The following DCC variants were observed in gnomAD, a reference collection of about 807,000 sequenced individuals.
DCC encodes the protein netrin receptor DCC.
DCC carries 58 observed loss-of-function variants against 172.5 expected under a neutral mutation model. The observed-to-expected ratio is 0.34, with a 90% CI of 0.27 to 0.42. The LOEUF (loss-of-function observed/expected upper bound fraction) is 0.42, where lower values mean the gene tolerates loss of function less well. DCC is among the 10% of genes least tolerant of loss of function. The probability of loss-of-function intolerance (pLI) is 1.00; values close to 1 mark genes in which losing one functional copy is unlikely to be tolerated. For synonymous variants in DCC, 709 were observed against 644.5 expected (o/e 1.10, Z -1.52); for missense variants, 1,740 against 1,791.0 (o/e 0.97, Z 0.51).
chr18:53,240,364 A>C (rs1246644517), intron 12 of DCC, among the ~76,000 whole-genome samples: 1 of 152,154 alleles, frequency 6.6e-6, no homozygotes, highest in South Asian at 2.1e-4. Flanking sequence ...CTTATCAAGA[A>C]TTGTGGGATC....
At chr18:52,424,422 T>C (rs34531550) in intron 1 of DCC, among the ~76,000 whole-genome samples, 72,430 of 151,888 alleles carry the variant, frequency 0.48, 18,328 homozygotes, top group Non-Finnish European at 0.58. Flanking sequence ...ATATCCCTTC[T>C]TCCCTAAGGG....
At chr18:53,092,267 A>G (rs2043024763) in intron 7 of DCC, among the ~76,000 whole-genome samples, 4 of 152,136 alleles carry the variant, frequency 2.6e-5, no homozygotes, top group Admixed American at 2.6e-4. Context: ...TGTATTTTTA[A>G]CAAGCAACTC....
intron 8 of DCC, among the ~76,000 whole-genome samples, chr18:53,159,980 AG>A (rs780265198): frequency 1.3e-5 from 2 of 152,188 alleles, no homozygotes; most frequent in Non-Finnish European, 2.9e-5. Context: ...GTGGAAAAGA[AG>A]TTGAAATTTA....
At chr18:52,779,117 C>T (rs1315850306) in intron 2 of DCC, among the ~76,000 whole-genome samples, 2 of 152,130 alleles carry the variant, frequency 1.3e-5, no homozygotes, top group African/African-American at 4.8e-5. Context: ...TTGTTCTTTT[C>T]AAGTGTATGT....
At chr18:52,555,906 T>C (rs1398758566) in intron 1 of DCC, among the ~76,000 whole-genome samples, 1 of 152,176 alleles carries the variant, frequency 6.6e-6, no homozygotes, top group African/African-American at 2.4e-5. Flanking sequence ...ATAACTCTTC[T>C]TGATGTCTCT....
intron 5 of DCC, among the ~76,000 whole-genome samples, chr18:52,983,001 GCTGGTTTACAT>G (rs1426066253): frequency 6.6e-6 from 1 of 152,174 alleles, no homozygotes; most frequent in Non-Finnish European, 1.5e-5. Flanking sequence ...CTGGGAGAGT[GCTGGTTTACAT>G]CTGTTTTCCC....
At chr18:52,906,830 T>C (rs920511989) in intron 3 of DCC, among the ~76,000 whole-genome samples, 7 of 130,756 alleles carry the variant, frequency 5.4e-5, no homozygotes, top group Non-Finnish European at 9.7e-5. Context: ...GCTGATCTTA[T>C]CTACTTTGTT....
chr18:53,529,038 T>TCACACACACACACACA (rs140593675), intron 28 of DCC, among the ~76,000 whole-genome samples: 1 of 65,182 alleles, frequency 1.5e-5, no homozygotes, highest in Admixed American at 1.7e-4. Context: ...TCTCTCTCTC[T>TCACACACACACACACA]CACACACACA....
intron 5 of DCC, among the ~76,000 whole-genome samples, chr18:53,049,106 G>A (rs961364145): frequency 2.0e-5 from 3 of 151,784 alleles, no homozygotes; most frequent in East Asian, 1.9e-4. Context: ...TTATGCCTTT[G>A]TCAAATATTT....
chr18:53,091,482 T>A (rs985590895), intron 7 of DCC, among the ~76,000 whole-genome samples: 2 of 151,326 alleles, frequency 1.3e-5, no homozygotes, highest in African/African-American at 4.8e-5. Context: ...ACAACATAAA[T>A]TTATTTCTCA....
At chr18:52,610,151 TAAAAAAAAAAAAAAAAAAAAA>T (rs1171109968) in intron 1 of DCC, among the ~76,000 whole-genome samples, 1 of 19,058 alleles carries the variant, frequency 5.2e-5, no homozygotes, top group African/African-American at 2.3e-4. Context: ...CCATCTCTCA[TAAAAAAAAAAAAAAAAAAAAA>T]AAAAAAATAT....
At chr18:53,172,273 G>C (rs1409439899) in intron 8 of DCC, among the ~76,000 whole-genome samples, 1 of 152,040 alleles carries the variant, frequency 6.6e-6, no homozygotes, top group Non-Finnish European at 1.5e-5. Flanking sequence ...TTAACACTGA[G>C]TACTCAGGGA....
chr18:53,414,455 C>T (rs1342457190), intron 20 of DCC, among the ~76,000 whole-genome samples: 4 of 152,158 alleles, frequency 2.6e-5, no homozygotes, highest in Non-Finnish European at 5.9e-5. Flanking sequence ...TATATCCTTA[C>T]TCTCAAATTC....
intron 12 of DCC, among the ~76,000 whole-genome samples, chr18:53,279,485 T>C (rs1462944743): frequency 1.8e-5 from 2 of 112,354 alleles, no homozygotes; most frequent in Non-Finnish European, 3.4e-5. Flanking sequence ...CATCACACAC[T>C]GTGGCCTGTT....
intron 3 of DCC, among the ~76,000 whole-genome samples, chr18:52,919,449 C>T (rs910125730): frequency 6.6e-5 from 10 of 152,160 alleles, no homozygotes; most frequent in Middle Eastern, 3.4e-3. Flanking sequence ...TAAAGAAATA[C>T]CAAACTTATT....
intron 5 of DCC, chr18:52,965,161 G>A (rs557078523): frequency 6.6e-6 from 1 of 152,264 alleles, no homozygotes; most frequent in South Asian, 2.1e-4. Flanking sequence ...CAGGGATTAA[G>A]ATGAGGATAT....
At chr18:52,349,534 G>A (rs1189117462) in intron 1 of DCC, among the ~76,000 whole-genome samples, 1 of 152,176 alleles carries the variant, frequency 6.6e-6, no homozygotes, top group African/African-American at 2.4e-5. Flanking sequence ...CTGGTTTGAG[G>A]CATCTCCAGG....
intron 5 of DCC, among the ~76,000 whole-genome samples, chr18:53,034,988 C>T (rs1429920715): frequency 9.2e-5 from 14 of 152,214 alleles, no homozygotes; most frequent in Admixed American, 7.2e-4. Flanking sequence ...CACATCCTCT[C>T]TTCTCCTTTA....
rs1205411415 is a variant in DCC at position 53,086,527 on chromosome 18, CCTT to C, written c.1261+20377_1261+20379del. On this transcript the variant is annotated intron_variant, in intron 7 of 28. Transcript: ENST00000442544. The stretch of plus-strand genomic sequence containing the variant: ...TTTCTTCTTCTTCTTCTTTCTTCTT[CCTT>C]CTTCTTCTTCTTCTTTCTTCTTCTT... Among the ~76,000 whole-genome samples, 261 of 41,460 alleles carry C rather than the reference CCTT, an allele frequency of 6.3e-3. 114 individuals are homozygous for C. The highest frequency in any genetic ancestry group is 0.059 in the African/African-American group (233 of 3,942). The allele number at this position is 41,460 out of a possible 152,430, so 27.2% of individuals were successfully genotyped here.
Sources: gnomAD v4.1 joint callset for allele counts (sites outside exome capture counted in the v4.1 genomes callset) on GRCh38, gnomAD v4.1.1 for gene constraint, MANE v1.5 for transcripts, NCBI Gene and HGNC (gene_info 2026-07-23, HGNC 2026-07-21) for gene names.